The following AGBL1 variants were observed in gnomAD, a reference collection of about 807,000 sequenced individuals.
AGBL1 encodes the protein AGBL carboxypeptidase 1, also known as cytosolic carboxypeptidase 4.
In AGBL1, 130 loss-of-function variants were observed where a neutral mutation model predicts 118.9. The ratio of observed to expected loss-of-function variants is 1.09; its 90% CI spans 0.95 to 1.26. The LOEUF is 1.26. Ranked by LOEUF, AGBL1 falls within the 50% of genes most tolerant of loss-of-function variation. The pLI, the probability that AGBL1 is intolerant of heterozygous loss-of-function variation, is 0.00. For synonymous variants in AGBL1, 555 were observed against 478.9 expected, an observed-to-expected ratio of 1.16 and a Z score of -2.08; for missense variants, 1,584 against 1,298.1, an observed-to-expected ratio of 1.22 and a Z score of -3.38.
At chr15:86,622,488 C>T (rs2084826031) in intron 21 of AGBL1, among the ~76,000 whole-genome samples, 1 of 152,072 alleles carries the variant, frequency 6.6e-6, no homozygotes, top group South Asian at 2.1e-4. Flanking sequence ...TCGACAATAA[C>T]ACAAAACTAT....
chr15:87,015,087 G>A (rs1404072088), intron 24 of AGBL1, among the ~76,000 whole-genome samples: 7 of 152,160 alleles, frequency 4.6e-5, no homozygotes, highest in Non-Finnish European at 7.3e-5. Flanking sequence ...TCAGGAAAGG[G>A]ACACTCTTCT....
intron 18 of AGBL1, among the ~76,000 whole-genome samples, chr15:86,522,604 AT>A (rs1434386791): frequency 6.6e-6 from 1 of 152,218 alleles, no homozygotes; most frequent in Admixed American, 6.5e-5. Context: ...TTTCTAGTTC[AT>A]TTGGGGGTTG....
chr15:86,661,520 G>A (rs1334103754), intron 21 of AGBL1, among the ~76,000 whole-genome samples: 1 of 151,600 alleles, frequency 6.6e-6, no homozygotes, highest in African/African-American at 2.4e-5. Flanking sequence ...AACTAGACTG[G>A]GTTAACATCA....
chr15:86,603,682 T>A (rs1422801624), intron 21 of AGBL1, among the ~76,000 whole-genome samples: 1 of 151,996 alleles, frequency 6.6e-6, no homozygotes, highest in African/African-American at 2.4e-5. Flanking sequence ...GCCCCCTCCA[T>A]CTGGAAGAGA....
Position 86,963,772 on chromosome 15 carries a change from A to G in AGBL1, c.3222-24215A>G, listed in dbSNP as rs114637009. 2.4e-3 allele frequency among the ~76,000 whole-genome samples: 359 copies of G among 151,972 alleles called. 4 individuals carry two copies. The highest frequency in any genetic ancestry group is 8.0e-3 in the African/African-American group (330 of 41,498). ...GCCTTTCTCATTGAACCACTGTTCA[A>G]TGATTTTTCTGAACAATGGTCCTCT... On this transcript the variant is annotated intron_variant, in intron 23 of 24. Transcript: ENST00000441037.
At chr15:86,689,750 A>G (rs1457032052) in intron 22 of AGBL1, among the ~76,000 whole-genome samples, 5 of 152,194 alleles carry the variant, frequency 3.3e-5, no homozygotes, top group African/African-American at 9.6e-5. Context: ...ATAATGTGAT[A>G]CTACAACACA....
chr15:86,958,432 G>C (rs954698633), intron 23 of AGBL1, among the ~76,000 whole-genome samples: 2 of 151,920 alleles, frequency 1.3e-5, no homozygotes, highest in African/African-American at 2.4e-5. Context: ...CATAGGTATA[G>C]ACAAGAAAAA....
intron 21 of AGBL1, among the ~76,000 whole-genome samples, chr15:86,625,990 T>C (rs527683283): frequency 1.3e-5 from 2 of 152,092 alleles, no homozygotes; most frequent in Admixed American, 1.3e-4. Flanking sequence ...TAAAGAATAG[T>C]AGAGTATCAA....
At chr15:86,977,846 T>A (rs956911070) in intron 23 of AGBL1, among the ~76,000 whole-genome samples, 1 of 152,134 alleles carries the variant, frequency 6.6e-6, no homozygotes, top group African/African-American at 2.4e-5. Flanking sequence ...TAAGGAAATA[T>A]GTCTTAATTT....
chr15:86,882,642 C>T (rs2079912256), intron 22 of AGBL1, among the ~76,000 whole-genome samples: 2 of 152,074 alleles, frequency 1.3e-5, no homozygotes, highest in Non-Finnish European at 2.9e-5. Context: ...TTATTTGCAC[C>T]TACTAAGTTC....
At chr15:86,593,945 C>G (rs1277785044) in intron 21 of AGBL1, among the ~76,000 whole-genome samples, 1 of 150,780 alleles carries the variant, frequency 6.6e-6, no homozygotes, top group Admixed American at 6.6e-5. Flanking sequence ...AATTTTGAAA[C>G]AGAGTTTTGC....
At chr15:86,869,726 C>A (rs1175491379) in intron 22 of AGBL1, among the ~76,000 whole-genome samples, 2 of 152,174 alleles carry the variant, frequency 1.3e-5, no homozygotes, top group Non-Finnish European at 2.9e-5. Context: ...ACTACCCCAA[C>A]TATTACACAT....
intron 21 of AGBL1, among the ~76,000 whole-genome samples, chr15:86,560,894 T>C (rs1473056899): frequency 2.0e-5 from 3 of 152,258 alleles, no homozygotes; most frequent in African/African-American, 4.8e-5. Context: ...TGGCCAGTGA[T>C]GATGAGCATT....
intron 6 of AGBL1, among the ~76,000 whole-genome samples, chr15:86,240,592 AG>A (rs1487171362): frequency 6.6e-6 from 1 of 152,180 alleles, no homozygotes; most frequent in Non-Finnish European, 1.5e-5. Flanking sequence ...GTTGGGAGGA[AG>A]GGATTTGGAA....
chr15:86,263,383 G>A (rs770431819), intron 10 of AGBL1, among the ~76,000 whole-genome samples: 1 of 152,154 alleles, frequency 6.6e-6, no homozygotes, highest in Admixed American at 6.5e-5. Flanking sequence ...GTTGGTGTAA[G>A]CACACCCTAT....
chr15:86,735,569 C>A (rs2077580341), intron 22 of AGBL1, among the ~76,000 whole-genome samples: 1 of 150,616 alleles, frequency 6.6e-6, no homozygotes, highest in East Asian at 2.0e-4. Flanking sequence ...TTACTACTAC[C>A]TTCTATTGTC....
intron 17 of AGBL1, among the ~76,000 whole-genome samples, chr15:86,304,649 C>T (rs2079810050): frequency 6.6e-6 from 1 of 152,114 alleles, no homozygotes; most frequent in Admixed American, 6.5e-5. Context: ...GACCTTTAAC[C>T]TCTCTTGGAA....
At chr15:86,619,331 G>T (rs1189384972) in intron 21 of AGBL1, among the ~76,000 whole-genome samples, 2 of 152,026 alleles carry the variant, frequency 1.3e-5, no homozygotes, top group African/African-American at 4.8e-5. Context: ...TACTAATGTG[G>T]AAGAGCCTTT....
chr15:86,956,194 T>C (rs1238711661), intron 23 of AGBL1, among the ~76,000 whole-genome samples: 2 of 147,474 alleles, frequency 1.4e-5, no homozygotes, highest in East Asian at 4.0e-4. Context: ...GATTTAGATA[T>C]AGATAGGTAG....
Sources: gnomAD v4.1 joint callset for allele counts (sites outside exome capture counted in the v4.1 genomes callset) on GRCh38, gnomAD v4.1.1 for gene constraint, MANE v1.5 for transcripts, NCBI Gene and HGNC (gene_info 2026-07-23, HGNC 2026-07-21) for gene names.